Variants in NSD3 observed in about 807,000 individuals in gnomAD.
The protein encoded by NSD3 is histone-lysine N-methyltransferase NSD3.
NSD3 carries 24 observed loss-of-function variants against 160.8 expected under a neutral mutation model. The ratio of observed to expected loss-of-function variants is 0.15; its 90% CI spans 0.11 to 0.21. The LOEUF (loss-of-function observed/expected upper bound fraction) is 0.21. Among genes scored for constraint, NSD3 ranks in the 10% least tolerant of loss-of-function variants. NSD3 has a pLI of 1.00. For synonymous variants in NSD3, 520 were observed against 600.0 expected, an observed-to-expected ratio of 0.87 and a Z score of 1.95; for missense variants, 1,157 against 1,735.9, an observed-to-expected ratio of 0.67 and a Z score of 5.93.
chr8:38,306,740 A>G (rs1809403021), intron 12 of NSD3, among the ~76,000 whole-genome samples: 1 of 152,234 alleles, frequency 6.6e-6, no homozygotes, highest in African/African-American at 2.4e-5. Context: ...AATTTACATA[A>G]AGACAAATAG....
rs866466256 is a variant in NSD3, at chr8:38,339,416, A to G, written c.676-809T>C. On this transcript the variant is annotated intron_variant, in intron 2 of 23. Coordinates refer to ENST00000317025, the MANE Select transcript of NSD3 (RefSeq NM_023034.2). ...GATATGCATACCATTGCTACTTACA[A>G]GAGCTAAGTATTAAACATAATCTAG... Among the ~76,000 whole-genome samples, 70 of 152,186 alleles carry G rather than the reference A, an allele frequency of 4.6e-4. 1 individual carries two copies. Among genetic ancestry groups the G allele is most frequent in the African/African-American group, 1.5e-3 (62 of 41,462 alleles).
At chr8:38,351,971 C>CCTGTAT (rs1378304250) in intron 1 of NSD3, among the ~76,000 whole-genome samples, 1 of 150,202 alleles carries the variant, frequency 6.7e-6, no homozygotes, top group East Asian at 2.0e-4. Context: ...TGTATACATA[C>CCTGTAT]GTAACAAACC....
At chr8:38,293,148 A>T (rs943873068) in intron 16 of NSD3, among the ~76,000 whole-genome samples, 2 of 151,684 alleles carry the variant, frequency 1.3e-5, no homozygotes, top group African/African-American at 4.8e-5. Flanking sequence ...AAAAAAAAAA[A>T]AAAAGAAAAA....
intron 14 of NSD3, chr8:38,303,223 A>C: frequency 1.6e-5 from 16 of 984,848 alleles, no homozygotes; most frequent in Non-Finnish European, 1.9e-5. Flanking sequence ...TCAACTGATA[A>C]TACAATAATT....
intron 15 of NSD3, among the ~76,000 whole-genome samples, chr8:38,296,812 A>T (rs1474085081): frequency 6.6e-6 from 1 of 151,798 alleles, no homozygotes. Context: ...CCTGGCCTCA[A>T]GCAATCCTCC....
Position 38,274,403 on chromosome 8 carries a change from T to C in NSD3, c.*1238A>G, listed in dbSNP as rs529427846. The stretch of plus-strand genomic sequence containing the variant: ...AAGTGCTTCCTAAGATGAAGTGTGT[T>C]TGTGTGGCTCTTATGCACCCTGTAA... On this transcript the variant is annotated 3_prime_UTR_variant, in exon 24 of 24. Transcript: ENST00000317025. 2.0e-5 allele frequency: 3 copies of C among 152,340 alleles called. No individual in the cohort carries two copies. In the South Asian group the frequency reaches 6.2e-4, roughly 32 times the overall value. 9.4% of individuals were successfully genotyped at this position (152,340 alleles called of 1,614,324 possible).
chr8:38,368,550 T>C (rs1003021905), intron 1 of NSD3, among the ~76,000 whole-genome samples: 5 of 152,226 alleles, frequency 3.3e-5, no homozygotes, highest in Admixed American at 6.5e-5. Flanking sequence ...AGTTTTCACT[T>C]GACTATGATT....
At chr8:38,327,754 C>A (rs914532901) in intron 6 of NSD3, among the ~76,000 whole-genome samples, 2 of 151,970 alleles carry the variant, frequency 1.3e-5, no homozygotes, top group Admixed American at 6.6e-5. Context: ...GACAAGAATA[C>A]CCCTAGATAC....
intron 7 of NSD3, among the ~76,000 whole-genome samples, chr8:38,322,761 T>C (rs1022876632): frequency 1.3e-5 from 2 of 152,228 alleles, no homozygotes; most frequent in African/African-American, 4.8e-5. Flanking sequence ...ACAAGTACAG[T>C]TCTTCAAACG....
At chr8:38,353,720 A>G (rs776170691) in intron 1 of NSD3, among the ~76,000 whole-genome samples, 3 of 152,168 alleles carry the variant, frequency 2.0e-5, no homozygotes, top group Non-Finnish European at 2.9e-5. Context: ...CATTTGTATC[A>G]CAGAGTGTTT....
chr8:38,305,099 A>ATGTACTG, intron 13 of NSD3, 149 bp downstream of exon 13: 1 of 774,408 alleles, frequency 1.3e-6, no homozygotes, highest in Non-Finnish European at 2.0e-6. Flanking sequence ...TCTACTTAAC[A>ATGTACTG]TGTACTGTGT....
chr8:38,310,554 C>T (rs1192254556), intron 12 of NSD3, among the ~76,000 whole-genome samples: 2 of 152,062 alleles, frequency 1.3e-5, no homozygotes, highest in East Asian at 3.9e-4. Flanking sequence ...GTTGCCCAGG[C>T]TGGAGTGGAG....
chr8:38,352,547 G>A (rs1408464073), intron 1 of NSD3, among the ~76,000 whole-genome samples: 2 of 152,188 alleles, frequency 1.3e-5, no homozygotes, highest in Non-Finnish European at 2.9e-5. Flanking sequence ...CAAAGTGGGA[G>A]AACTTGAATT....
At chr8:38,275,930 G>T (rs1158322076) in intron 23 of NSD3, 48 bp from the exon 24 acceptor site, 3 of 1,542,452 alleles carry the variant, frequency 1.9e-6, no homozygotes, top group Non-Finnish European at 1.8e-6. Context: ...CCAAGTTAGT[G>T]CCTGTCTTGA....
chr8:38,333,811 G>A (rs1480411547), intron 4 of NSD3, among the ~76,000 whole-genome samples: 2 of 152,120 alleles, frequency 1.3e-5, no homozygotes, highest in Non-Finnish European at 2.9e-5. Context: ...AGCTTGCAGT[G>A]AGCCGAGATT....
intron 12 of NSD3, among the ~76,000 whole-genome samples, chr8:38,307,124 AAAAATAAAAT>A (rs1314499311): frequency 9.5e-5 from 14 of 146,822 alleles, no homozygotes; most frequent in South Asian, 2.1e-4. Flanking sequence ...CAAAAAAAAA[AAAAATAAAAT>A]AAAATAAATA....
In NSD3 at chr8:38,270,371, G is replaced by A. The variant is rs746650454; in HGVS notation, c.*5270C>T. 3.3e-5 allele frequency: 5 copies of A among 152,170 alleles called. No individual in the cohort carries two copies. Among genetic ancestry groups the A allele is most frequent in the African/African-American group, 4.8e-5 (2 of 41,428 alleles). 9.4% of individuals were successfully genotyped at this position (152,170 alleles called of 1,614,324 possible). A position where few individuals can be genotyped will look rare whatever the true frequency, so the allele number is the denominator to read the frequency against. ...GAGTCTGTAGGTATCTGTGTTTGTT[G>A]TGCAATATCACTCAAATGGGTACAA... On this transcript the variant is annotated 3_prime_UTR_variant, in exon 24 of 24. Coordinates refer to ENST00000317025, the MANE Select transcript of NSD3 (RefSeq NM_023034.2).
chr8:38,339,552 C>T (rs1166813818), intron 2 of NSD3, among the ~76,000 whole-genome samples: 1 of 151,964 alleles, frequency 6.6e-6, no homozygotes, highest in South Asian at 2.1e-4. Flanking sequence ...TGGTGAAACC[C>T]CGTCTCTACT....
intron 2 of NSD3, among the ~76,000 whole-genome samples, chr8:38,342,569 C>G (rs1335989850): frequency 6.6e-6 from 1 of 151,238 alleles, no homozygotes; most frequent in Non-Finnish European, 1.5e-5. Context: ...AAATTTTAGC[C>G]TAGTACTTTT....
Sources: allele counts gnomAD v4.1 joint callset (sites outside exome capture counted in the v4.1 genomes callset), GRCh38; gene constraint gnomAD v4.1.1; transcripts MANE v1.5; gene names NCBI Gene and HGNC (gene_info 2026-07-23, HGNC 2026-07-21).